Variants in FYN observed in about 807,000 individuals in gnomAD.
The protein encoded by FYN is FYN proto-oncogene, Src family tyrosine kinase.
Under a neutral mutation model 70.2 loss-of-function variants are expected in FYN, and 10 were observed. The observed-to-expected ratio is 0.14, with a 90% CI of 0.09 to 0.24. The LOEUF is 0.24. Among genes scored for constraint, FYN ranks in the 10% least tolerant of loss-of-function variants. The probability of loss-of-function intolerance (pLI) is 1.00; values close to 1 mark genes in which losing one functional copy is unlikely to be tolerated. For synonymous variants in FYN, 236 were observed against 248.6 expected (o/e 0.95, Z 0.48); for missense variants, 319 against 673.1 (o/e 0.47, Z 5.82).
At chr6:111,689,578 T>C (rs1010041954) in intron 12 of FYN, among the ~76,000 whole-genome samples, 1 of 152,152 alleles carries the variant, frequency 6.6e-6, no homozygotes, top group Non-Finnish European at 1.5e-5. Context: ...TGTGATATAT[T>C]TGTACAGTGG....
intron 12 of FYN, among the ~76,000 whole-genome samples, chr6:111,677,527 G>T (rs1483657016): frequency 6.6e-6 from 1 of 152,188 alleles, no homozygotes; most frequent in Non-Finnish European, 1.5e-5. Context: ...AGCCTTGCAG[G>T]TTGCACAGTG....
chr6:111,797,812 G>A (rs997648632), intron 2 of FYN, among the ~76,000 whole-genome samples: 1 of 151,476 alleles, frequency 6.6e-6, no homozygotes, highest in Non-Finnish European at 1.5e-5. Flanking sequence ...GGCGAGGCTG[G>A]AGTGCAGTGG....
intron 2 of FYN, among the ~76,000 whole-genome samples, chr6:111,831,093 T>C (rs1461152342): frequency 1.3e-5 from 2 of 152,072 alleles, no homozygotes; most frequent in East Asian, 3.9e-4. Context: ...CATGTACAGG[T>C]TTCTGTGGGG....
chr6:111,869,309 A>G (rs1562552106), intron 1 of FYN, among the ~76,000 whole-genome samples: 2 of 152,222 alleles, frequency 1.3e-5, no homozygotes, highest in African/African-American at 2.4e-5. Flanking sequence ...TTCCGTTAAG[A>G]AGCTGCAAGG....
intron 6 of FYN, among the ~76,000 whole-genome samples, chr6:111,706,884 C>T (rs374764439): frequency 9.9e-5 from 15 of 152,082 alleles, no homozygotes; most frequent in Admixed American, 6.5e-4. Flanking sequence ...TCACTGATGA[C>T]GAAACACAGT....
rs77442452 is a variant in FYN at position 111,730,572 on chromosome 6, G to A, written c.-11-10510C>T. Among the ~76,000 whole-genome samples the A allele has an allele frequency of 3.6e-3, 551 of 152,238 alleles. 2 individuals carry two copies. The highest frequency in any genetic ancestry group is 0.012 in the African/African-American group (515 of 41,548). The stretch of plus-strand genomic sequence containing the variant: ...TTGTTCTTTGGATGCCAATTGGTGG[G>A]AGAGGGAAGGGGGCCTGCCCTCGCT... On this transcript the variant is annotated intron_variant, in intron 3 of 13. Coordinates refer to ENST00000354650, the MANE Select transcript of FYN (RefSeq NM_002037.5).
chr6:111,684,482 G>A (rs1798908145), intron 12 of FYN, among the ~76,000 whole-genome samples: 1 of 152,214 alleles, frequency 6.6e-6, no homozygotes, highest in Non-Finnish European at 1.5e-5. Flanking sequence ...GAATGCAGGG[G>A]CAAGGCTGGA....
chr6:111,764,365 T>G (rs1397180838), intron 3 of FYN, among the ~76,000 whole-genome samples: 1 of 152,028 alleles, frequency 6.6e-6, no homozygotes, highest in African/African-American at 2.4e-5. Flanking sequence ...CACATCTCAC[T>G]CTCACGGCTG....
rs1392459562 is a variant in FYN at position 111,703,028 on chromosome 6, T to C, written c.554A>G (p.Tyr185Cys). ...IRESETTKGA[Y>C]SLSIRDWDDM... Reference sequence around the variant, plus strand: ...ATCCCAATCACGGATAGAAAGTGAATAGGCACCTGGTAAACGTGGAAAGCA... The same window carrying C: ...ATCCCAATCACGGATAGAAAGTGAACAGGCACCTGGTAAACGTGGAAAGCA... Residue 185 changes from tyrosine to cysteine, a missense_variant, in exon 8 of 14, where the codon TAT becomes TGT. Tyr to Cys is a radical substitution (Grantham distance 194, BLOSUM62 -2). Around this residue, in one of 4 missense-constraint regions of FYN, gnomAD observed 112 missense variants for 250.2 expected, o/e 0.45. Coordinates refer to ENST00000354650, the MANE Select transcript of FYN (RefSeq NM_002037.5). The C allele has an allele frequency of 3.1e-6, 5 of 1,613,880 alleles. No individual in the cohort carries two copies. In the Admixed American group the frequency reaches 5.0e-5, roughly 16 times the overall value.
intron 3 of FYN, among the ~76,000 whole-genome samples, chr6:111,750,461 C>A (rs1343271553): frequency 1.3e-5 from 2 of 152,194 alleles, no homozygotes; most frequent in African/African-American, 4.8e-5. Context: ...CCTGTACAAC[C>A]TGCAGAACCA....
At chr6:111,670,985 C>T (rs751768451) in intron 13 of FYN, among the ~76,000 whole-genome samples, 4 of 152,204 alleles carry the variant, frequency 2.6e-5, no homozygotes, top group Admixed American at 6.5e-5. Context: ...CTTCTGAACT[C>T]TTGCTTGCAG....
intron 5 of FYN, among the ~76,000 whole-genome samples, chr6:111,710,127 C>T (rs1318385227): frequency 4.6e-5 from 7 of 152,154 alleles, no homozygotes; most frequent in African/African-American, 1.4e-4. Flanking sequence ...CACCCTCTCC[C>T]GCCCAGCCTG....
At chr6:111,815,618 T>C (rs749783871) in intron 2 of FYN, among the ~76,000 whole-genome samples, 6 of 151,964 alleles carry the variant, frequency 3.9e-5, no homozygotes, top group Non-Finnish European at 8.8e-5. Context: ...AGGAAAAAAA[T>C]ACTAGAATAA....
At chr6:111,789,466 A>G (rs1771527705) in intron 2 of FYN, among the ~76,000 whole-genome samples, 1 of 152,160 alleles carries the variant, frequency 6.6e-6, no homozygotes. Flanking sequence ...ATTTCATATT[A>G]TTATTACTAT....
chr6:111,666,838 T>C (rs1260211168), intron 13 of FYN, among the ~76,000 whole-genome samples: 2 of 152,040 alleles, frequency 1.3e-5, no homozygotes, highest in African/African-American at 2.4e-5. Context: ...ACTAGTCCGC[T>C]GTGTGGGGGT....
chr6:111,749,829 T>C (rs185298043), intron 3 of FYN, among the ~76,000 whole-genome samples: 1 of 152,270 alleles, frequency 6.6e-6, no homozygotes, highest in East Asian at 1.9e-4. Context: ...TCAAAATCTG[T>C]GTGTGGAAAC....
At chr6:111,777,029 G>A (rs1770968949) in intron 3 of FYN, among the ~76,000 whole-genome samples, 1 of 152,180 alleles carries the variant, frequency 6.6e-6, no homozygotes, top group African/African-American at 2.4e-5. Flanking sequence ...GACTAGCCCA[G>A]ACTGAAATAC....
intron 13 of FYN, among the ~76,000 whole-genome samples, chr6:111,672,118 C>T (rs1449803789): frequency 1.3e-5 from 2 of 152,220 alleles, no homozygotes; most frequent in African/African-American, 4.8e-5. Flanking sequence ...CCAGTCACAT[C>T]TCCAGGTGTG....
chr6:111,692,410 C>T (rs1279038538), intron 12 of FYN, among the ~76,000 whole-genome samples: 1 of 149,610 alleles, frequency 6.7e-6, no homozygotes, highest in Non-Finnish European at 1.5e-5. Flanking sequence ...AGGGCAGCAG[C>T]CTGGGACCCG....
Sources: gnomAD v4.1 joint callset for allele counts (sites outside exome capture counted in the v4.1 genomes callset) on GRCh38, gnomAD v4.1.1 for gene constraint, gnomAD v4.1.1 regional missense constraint, MANE v1.5 for transcripts, NCBI Gene and HGNC (gene_info 2026-07-23, HGNC 2026-07-21) for gene names.